The following CAB39 variants were observed in gnomAD, a reference collection of about 807,000 sequenced individuals.
The protein encoded by CAB39 is calcium-binding protein 39.
Under a neutral mutation model 40.0 loss-of-function variants are expected in CAB39, and 8 were observed. The observed-to-expected ratio is 0.20, with a 90% CI of 0.12 to 0.36. The LOEUF (loss-of-function observed/expected upper bound fraction) is 0.36, where lower values mean the gene tolerates loss of function less well. Ranked by LOEUF, CAB39 falls within the 10% of genes least tolerant of loss-of-function variation. The pLI is 1.00. For synonymous variants in CAB39, 156 were observed against 141.6 expected (o/e 1.10, Z -0.72); for missense variants, 270 against 401.1 (o/e 0.67, Z 2.79).
At chr2:230,754,313 TTCTTCCTTCTTCCTTCTTCTTCCTTCC>T (rs1404205760) in intron 1 of CAB39, among the ~76,000 whole-genome samples, 4 of 142,896 alleles carry the variant, frequency 2.8e-5, no homozygotes, top group African/African-American at 1.2e-4. Context: ...TCTTTCTTCC[TTCTTCCTTCTTCCTTCTTCTTCCTTCC>T]TCTTCTTCCT....
At chr2:230,802,253 C>T (rs1041991203) in intron 5 of CAB39, among the ~76,000 whole-genome samples, 1 of 152,186 alleles carries the variant, frequency 6.6e-6, no homozygotes, top group African/African-American at 2.4e-5. Flanking sequence ...CTCTGGGACA[C>T]ATTTAAAACA....
At chr2:230,803,379 C>CA (rs1228054150) in intron 5 of CAB39, among the ~76,000 whole-genome samples, 2 of 152,194 alleles carry the variant, frequency 1.3e-5, no homozygotes, top group African/African-American at 4.8e-5. Flanking sequence ...CACTCCTATT[C>CA]AACATAGTGT....
intron 1 of CAB39, among the ~76,000 whole-genome samples, chr2:230,718,057 T>C (rs1442143137): frequency 6.6e-6 from 1 of 152,204 alleles, no homozygotes; most frequent in Non-Finnish European, 1.5e-5. Flanking sequence ...TGTTTATGTG[T>C]GTATTCATAT....
intron 2 of CAB39, among the ~76,000 whole-genome samples, chr2:230,769,877 G>C (rs2124930007): frequency 6.6e-6 from 1 of 151,314 alleles, no homozygotes; most frequent in Non-Finnish European, 1.5e-5. Flanking sequence ...AGGATCGCTT[G>C]AGCCCAGGGG....
chr2:230,746,227 G>A (rs559187297), intron 1 of CAB39, among the ~76,000 whole-genome samples: 40 of 152,222 alleles, frequency 2.6e-4, no homozygotes, highest in African/African-American at 8.7e-4. Context: ...GTAATGTCAC[G>A]GCTAGCCTTT....
At chr2:230,731,831 T>C (rs1235226824) in intron 1 of CAB39, among the ~76,000 whole-genome samples, 1 of 152,204 alleles carries the variant, frequency 6.6e-6, no homozygotes, top group East Asian at 1.9e-4. Flanking sequence ...GTGAATTTTA[T>C]CTCAATAAAG....
At chr2:230,757,713 C>G (rs1292625445) in intron 1 of CAB39, among the ~76,000 whole-genome samples, 3 of 152,134 alleles carry the variant, frequency 2.0e-5, no homozygotes, top group Non-Finnish European at 4.4e-5. Context: ...CACATCACTG[C>G]TATTATTTGC....
intron 1 of CAB39, among the ~76,000 whole-genome samples, chr2:230,754,185 T>C (rs1695139323): frequency 6.6e-6 from 1 of 152,176 alleles, no homozygotes; most frequent in African/African-American, 2.4e-5. Flanking sequence ...GTTATTGGGA[T>C]ACAGGTAGTA....
chr2:230,794,718 C>T (rs577970874), intron 4 of CAB39, among the ~76,000 whole-genome samples: 3 of 152,282 alleles, frequency 2.0e-5, no homozygotes, highest in African/African-American at 7.2e-5. Flanking sequence ...GAAAAATATA[C>T]GTACAACTAG....
At chr2:230,773,005 T>G (rs1346114161) in intron 2 of CAB39, among the ~76,000 whole-genome samples, 1 of 126,460 alleles carries the variant, frequency 7.9e-6, no homozygotes, top group Non-Finnish European at 1.6e-5. Context: ...AAAAAAAAAC[T>G]ATTGCTGTAT....
At chr2:230,809,493 A>G (rs1166461155) in intron 5 of CAB39, among the ~76,000 whole-genome samples, 1 of 152,164 alleles carries the variant, frequency 6.6e-6, no homozygotes, top group African/African-American at 2.4e-5. Context: ...TTTCCCACCC[A>G]GTGAGACCAA....
chr2:230,784,200 A>G (rs1695748037), intron 2 of CAB39, among the ~76,000 whole-genome samples: 1 of 152,136 alleles, frequency 6.6e-6, no homozygotes, highest in Non-Finnish European at 1.5e-5. Context: ...GATGACTCCT[A>G]AATTTCTGAC....
At chr2:230,810,987 A>C (rs1226210583) in intron 6 of CAB39, among the ~76,000 whole-genome samples, 3 of 152,162 alleles carry the variant, frequency 2.0e-5, no homozygotes, top group Non-Finnish European at 4.4e-5. Flanking sequence ...GCCATGTGAA[A>C]TGATCTCTTC....
intron 1 of CAB39, among the ~76,000 whole-genome samples, chr2:230,722,670 C>G (rs1002401354): frequency 3.3e-5 from 5 of 152,188 alleles, no homozygotes; most frequent in Non-Finnish European, 7.3e-5. Flanking sequence ...CCATGCATAG[C>G]GTGTCTGATA....
At chr2:230,767,652 T>C (rs1695411683) in intron 2 of CAB39, among the ~76,000 whole-genome samples, 1 of 152,188 alleles carries the variant, frequency 6.6e-6, no homozygotes. Flanking sequence ...AGAGACCTTA[T>C]ATGGCCTGCA....
intron 1 of CAB39, among the ~76,000 whole-genome samples, chr2:230,738,419 TC>T (rs1257950939): frequency 3.3e-5 from 5 of 152,250 alleles, no homozygotes; most frequent in African/African-American, 1.2e-4. Context: ...TTTGGTTACT[TC>T]CTCTGAAGTT....
Position 230,771,101 on chromosome 2 carries a change from C to T in CAB39, c.114+10986C>T, listed in dbSNP as rs186987698. Among the ~76,000 whole-genome samples the T allele has an allele frequency of 2.7e-5, 4 of 150,448 alleles. No individual in the cohort carries two copies. In the East Asian group the frequency reaches 7.8e-4, roughly 29 times the overall value. ...TCAGATTGAAAAGAAAGCAGTAAAACTTTTGATTTGTAAATGACATGATCA... is the reference window on the plus strand; with the variant it reads ...TCAGATTGAAAAGAAAGCAGTAAAATTTTTGATTTGTAAATGACATGATCA... On this transcript the variant is annotated intron_variant, in intron 2 of 8. Transcript: ENST00000258418.
intron 1 of CAB39, among the ~76,000 whole-genome samples, chr2:230,749,744 A>G (rs905234990): frequency 1.3e-5 from 2 of 152,218 alleles, no homozygotes; most frequent in Non-Finnish European, 2.9e-5. Context: ...ACTGTATTAA[A>G]TAACTATTCA....
rs143309257 is a variant in CAB39 at position 230,775,189 on chromosome 2, C to A, written c.114+15074C>A. ...AAACAAAAAATAATAATTTAAGCCT[C>A]ATCATTCCCCCCAAATCTGAGCTCT... is the stretch of plus-strand genomic sequence containing the variant. On this transcript the variant is annotated intron_variant, in intron 2 of 8. Transcript: ENST00000258418. 4.3e-3 allele frequency among the ~76,000 whole-genome samples: 655 copies of A among 151,536 alleles called. 6 individuals are homozygous for A. The highest frequency in any genetic ancestry group is 0.015 in the African/African-American group (629 of 41,402).
Sources: gnomAD v4.1 joint callset for allele counts (sites outside exome capture counted in the v4.1 genomes callset) on GRCh38, gnomAD v4.1.1 for gene constraint, MANE v1.5 for transcripts, NCBI Gene and HGNC (gene_info 2026-07-23, HGNC 2026-07-21) for gene names.